Variants in SGK1 observed in about 807,000 individuals in gnomAD.
SGK1 encodes the protein serum/glucocorticoid regulated kinase 1.
SGK1 carries 26 observed loss-of-function variants against 64.2 expected under a neutral mutation model. The observed-to-expected ratio is 0.40, with a 90% CI of 0.30 to 0.56. The LOEUF (loss-of-function observed/expected upper bound fraction) is 0.56, where lower values mean the gene tolerates loss of function less well. Among genes scored for constraint, SGK1 ranks in the 20% least tolerant of loss-of-function variants. The pLI is 0.38. For missense variants in SGK1, 519 were observed against 645.6 expected (o/e 0.80, Z 2.12); for synonymous variants, 265 against 239.7 (o/e 1.11, Z -0.98).
chr6:134,297,297 T>C, intron 1 of SGK1: 1 of 1,268,350 alleles, frequency 7.9e-7, no homozygotes, highest in Non-Finnish European at 1.1e-6. Flanking sequence ...GTTCATCAGC[T>C]CCTGGTACAC....
chr6:134,260,247 G>C (rs1345338072), intron 2 of SGK1: 1 of 151,870 alleles, frequency 6.6e-6, no homozygotes, highest in Non-Finnish European at 1.5e-5. Flanking sequence ...TACTTGGGAG[G>C]GTTGAGGTGG....
At chr6:134,204,257 TA>T (rs897253628) in intron 3 of SGK1, among the ~76,000 whole-genome samples, 16 of 150,900 alleles carry the variant, frequency 1.1e-4, no homozygotes, top group Admixed American at 2.6e-4. Flanking sequence ...AATAAATAAA[TA>T]AATAAATAAT....
In SGK1 at chr6:134,191,835, A is replaced by ATTTTTTTTTTTTTTT. The variant is rs71003671; in HGVS notation, c.361+15506_361+15520dup. Among the ~76,000 whole-genome samples the ATTTTTTTTTTTTTTT allele has an allele frequency of 3.8e-4, 23 of 61,198 alleles. 2 individuals are homozygous for ATTTTTTTTTTTTTTT. Among genetic ancestry groups the ATTTTTTTTTTTTTTT allele is most frequent in the African/African-American group, 1.0e-3 (15 of 14,864 alleles). 40.1% of individuals were successfully genotyped at this position (61,198 alleles called of 152,430 possible). ...AGGCATGCGCCACCACGCCCGGCTG[A>ATTTTTTTTTTTTTTT]TTTTTTTTTTTTTTTTTTGAGACAG... is the stretch of plus-strand genomic sequence containing the variant. On this transcript the variant is annotated intron_variant, in intron 3 of 13. Coordinates refer to ENST00000367858, the MANE Select transcript of SGK1 (RefSeq NM_001143676.3).
chr6:134,303,602 T>G (rs1777491536), intron 1 of SGK1, among the ~76,000 whole-genome samples: 1 of 151,744 alleles, frequency 6.6e-6, no homozygotes, highest in Non-Finnish European at 1.5e-5. Flanking sequence ...GTTTGAAAAA[T>G]TATTTTATAT....
intron 1 of SGK1, among the ~76,000 whole-genome samples, chr6:134,309,617 A>T (rs1267138146): frequency 1.3e-5 from 2 of 152,156 alleles, no homozygotes; most frequent in Admixed American, 1.3e-4. Context: ...CTATAGAGAC[A>T]CTGCGTATCC....
intron 1 of SGK1, among the ~76,000 whole-genome samples, chr6:134,306,001 A>G (rs1777529605): frequency 6.6e-6 from 1 of 152,220 alleles, no homozygotes. Flanking sequence ...GTTTAATTGT[A>G]TGTAAAAGAG....
intron 2 of SGK1, among the ~76,000 whole-genome samples, chr6:134,216,899 A>C (rs1231840380): frequency 6.6e-6 from 1 of 152,206 alleles, no homozygotes; most frequent in Non-Finnish European, 1.5e-5. Flanking sequence ...GTGGGAACAA[A>C]ACTCAACAAG....
At chr6:134,285,391 T>G (rs1777167373) in intron 1 of SGK1, among the ~76,000 whole-genome samples, 1 of 148,272 alleles carries the variant, frequency 6.7e-6, no homozygotes, top group African/African-American at 2.5e-5. Flanking sequence ...GGAAGGAAAA[T>G]CACTTGAACC....
intron 2 of SGK1, among the ~76,000 whole-genome samples, chr6:134,209,502 T>C (rs1468776628): frequency 6.6e-6 from 1 of 152,180 alleles, no homozygotes; most frequent in African/African-American, 2.4e-5. Context: ...GTGTTAAAAC[T>C]GCTTTTCCAT....
intron 1 of SGK1, among the ~76,000 whole-genome samples, chr6:134,284,475 C>CTTTA (rs773292761): frequency 8.4e-6 from 1 of 119,644 alleles, no homozygotes; most frequent in Non-Finnish European, 1.8e-5. Flanking sequence ...TTGGCTTTTT[C>CTTTA]TTTCTTTCTT....
chr6:134,253,979 G>A (rs887696799), intron 2 of SGK1, among the ~76,000 whole-genome samples: 16 of 152,062 alleles, frequency 1.1e-4, no homozygotes, highest in Admixed American at 4.6e-4. Context: ...TCAGCCAAAT[G>A]TATCCCATAT....
At chr6:134,208,828 ATATG>A (rs1031790627) in intron 2 of SGK1, among the ~76,000 whole-genome samples, 25 of 149,784 alleles carry the variant, frequency 1.7e-4, no homozygotes, top group East Asian at 1.4e-3. Context: ...GCATGTATAT[ATATG>A]TATGTGTGTA....
intron 2 of SGK1, among the ~76,000 whole-genome samples, chr6:134,253,292 T>TC (rs1357813571): frequency 6.8e-6 from 1 of 147,774 alleles, no homozygotes; most frequent in Non-Finnish European, 1.5e-5. Context: ...CTTTTGTTTT[T>TC]CTTTTTTTTT....
At chr6:134,174,420 T>C in intron 4 of SGK1, 91 bp downstream of exon 4, 1 of 900,208 alleles carries the variant, frequency 1.1e-6, no homozygotes, top group Non-Finnish European at 1.8e-6. Context: ...AGAAGAAGTC[T>C]TCGCCTTCCC....
intron 1 of SGK1, among the ~76,000 whole-genome samples, chr6:134,304,745 A>AG (rs981696478): frequency 2.0e-5 from 3 of 152,246 alleles, no homozygotes; most frequent in Non-Finnish European, 2.9e-5. Context: ...AAGAACAAAG[A>AG]GAAAAAAAAA....
At chr6:134,246,147 T>C (rs1776521069) in intron 2 of SGK1, among the ~76,000 whole-genome samples, 1 of 151,722 alleles carries the variant, frequency 6.6e-6, no homozygotes, top group African/African-American at 2.4e-5. Context: ...GTTTCTTTTC[T>C]TTTTTTTCTT....
At chr6:134,299,486 T>G (rs1456065301) in intron 1 of SGK1, among the ~76,000 whole-genome samples, 2 of 152,170 alleles carry the variant, frequency 1.3e-5, no homozygotes, top group African/African-American at 4.8e-5. Context: ...GGTGAAATTG[T>G]GAGCAAAACA....
chr6:134,175,910 G>A (rs146929936), intron 3 of SGK1: 1 of 1,215,326 alleles, frequency 8.2e-7, no homozygotes, highest in South Asian at 3.0e-5. Flanking sequence ...GAGGGAAAAG[G>A]GGGAGGGAGA....
rs901581687 is a variant in SGK1 at position 134,311,648 on chromosome 6, G to GA, written c.69+5743dup. Among the ~76,000 whole-genome samples the GA allele has an allele frequency of 5.3e-5, 8 of 152,012 alleles. No individual in the cohort carries two copies. In the South Asian group the frequency reaches 8.3e-4, roughly 16 times the overall value. Reference sequence around the variant, plus strand: ...CCTGGGTGACAGAGTGAGACTGTATGAAAAAACAACAAAACAAAAAACCTT... The same window carrying GA: ...CCTGGGTGACAGAGTGAGACTGTATGAAAAAAACAACAAAACAAAAAACCTT... On this transcript the variant is annotated intron_variant, in intron 1 of 13. Coordinates refer to ENST00000367858, the MANE Select transcript of SGK1 (RefSeq NM_001143676.3).
Sources: allele counts gnomAD v4.1 joint callset (sites outside exome capture counted in the v4.1 genomes callset), GRCh38; gene constraint gnomAD v4.1.1; transcripts MANE v1.5; gene names NCBI Gene and HGNC (gene_info 2026-07-23, HGNC 2026-07-21).